Variants in CD2AP observed in about 807,000 individuals in gnomAD.
CD2AP encodes CD2 associated protein.
CD2AP carries 46 observed loss-of-function variants against 85.1 expected under a neutral mutation model. The ratio of observed to expected loss-of-function variants is 0.54; its 90% confidence interval spans 0.43 to 0.69. CD2AP has a LOEUF of 0.69. Among genes scored for constraint, CD2AP ranks in the 30% least tolerant of loss-of-function variants. CD2AP has a pLI of 0.00. For synonymous variants in CD2AP, 255 were observed against 252.9 expected, an observed-to-expected ratio of 1.01 and a Z score of -0.08; for missense variants, 769 against 729.5, an observed-to-expected ratio of 1.05 and a Z score of -0.62.
intron 1 of CD2AP, among the ~76,000 whole-genome samples, chr6:47,484,201 TAAAC>T (rs1454309640): frequency 6.6e-6 from 1 of 152,192 alleles, no homozygotes; most frequent in Admixed American, 6.5e-5. Context: ...TTATGTCTCT[TAAAC>T]AGATAAAATT....
chr6:47,526,119 C>G (rs1401088830), intron 2 of CD2AP, among the ~76,000 whole-genome samples: 1 of 152,140 alleles, frequency 6.6e-6, no homozygotes, highest in Non-Finnish European at 1.5e-5. Context: ...GGAAGCCTTA[C>G]TAATACCTTA....
Position 47,544,621 on chromosome 6 carries a change from A to G in CD2AP, c.335A>G (p.Gln112Arg). The G allele has an allele frequency of 6.2e-7, 1 of 1,606,626 alleles. No individual in the cohort carries two copies. Among genetic ancestry groups the G allele is most frequent in the Non-Finnish European group, 8.5e-7 (1 of 1,173,466 alleles). The stretch of plus-strand genomic sequence containing the variant: ...CTTTCTTTAGAGACCAAGAAGCGTC[A>G]GTGTAAAGTTCTTTTTGAGTACATT... ...KNIKKKTKKR[Q>R]CKVLFEYIPQ... is the part of the protein sequence containing the mutation. Residue 112 changes from glutamine (Q) to arginine (R), a missense_variant, in exon 4 of 18, where the codon CAG becomes CGG. Physicochemically the swap from Gln to Arg is conservative, Grantham distance 43. Coordinates refer to ENST00000359314, the MANE Select transcript of CD2AP (RefSeq NM_012120.3).
intron 4 of CD2AP, among the ~76,000 whole-genome samples, chr6:47,547,866 A>G (rs949565296): frequency 1.3e-5 from 2 of 152,104 alleles, no homozygotes; most frequent in African/African-American, 4.8e-5. Flanking sequence ...ATCAACTCCA[A>G]AAGGAGCCTT....
Position 47,579,393 on chromosome 6 carries a change from A to G in CD2AP, c.912A>G (p.Gly304=). The change falls in exon 9 of 18, where the codon GGA becomes GGG. Residue 304 remains glycine, a synonymous_variant. Transcript: ENST00000359314. ...TCTATTTTGCTTTTTAGGAGACTGGAGAAGCTGGCTGGTGGAGGGGCGAAC... is the reference window on the plus strand; with the variant it reads ...TCTATTTTGCTTTTTAGGAGACTGGGGAAGCTGGCTGGTGGAGGGGCGAAC... The part of the protein sequence containing the change: ...EIIHLISKET[G]EAGWWRGELN... 6.3e-7 allele frequency: 1 copy of G among 1,596,138 alleles called. No homozygotes were observed. Among genetic ancestry groups the G allele is most frequent in the African/African-American group, 1.3e-5 (1 of 74,694 alleles).
At chr6:47,609,416 C>G in intron 16 of CD2AP, 112 bp downstream of exon 16, 1 of 856,834 alleles carries the variant, frequency 1.2e-6, no homozygotes, top group Admixed American at 1.9e-5. Flanking sequence ...GTAGTTCGCG[C>G]CTGTAATCCC....
intron 13 of CD2AP, 71 bp downstream of exon 13, chr6:47,599,514 T>C (rs2114136867): frequency 7.4e-7 from 1 of 1,346,424 alleles, no homozygotes; most frequent in East Asian, 2.5e-5. Context: ...AAGAGATATA[T>C]TTATGCAATT....
In CD2AP at chr6:47,580,883, C is replaced by T; in HGVS notation, c.1028C>T (p.Pro343Leu). 1 of 1,608,688 alleles carries T rather than the reference C, an allele frequency of 6.2e-7. No homozygotes were observed. The highest frequency in any genetic ancestry group is 8.5e-7 in the Non-Finnish European group (1 of 1,175,304). ...TAACAGAAACCAAAGAAACCACCACCTCCTGCTAAGGCTCCAGGTATGTAA... is the reference window on the plus strand; with the variant it reads ...TAACAGAAACCAAAGAAACCACCACTTCCTGCTAAGGCTCCAGGTATGTAA... ...KDFPKPKKPP[P>L]PAKAPAPKPE... Residue 343 changes from proline to leucine, a missense_variant, in exon 10 of 18, where the codon CCT (proline) becomes CTT (leucine). Transcript: ENST00000359314.
At chr6:47,553,084 A>G (rs1212846497) in intron 4 of CD2AP, among the ~76,000 whole-genome samples, 1 of 151,576 alleles carries the variant, frequency 6.6e-6, no homozygotes, top group Non-Finnish European at 1.5e-5. Flanking sequence ...TATTGTAGCC[A>G]TCTGCTTATT....
chr6:47,588,273 G>A (rs568562708), intron 11 of CD2AP, among the ~76,000 whole-genome samples: 1 of 151,946 alleles, frequency 6.6e-6, no homozygotes, highest in Non-Finnish European at 1.5e-5. Context: ...TGTTTGTTTT[G>A]GGATATTCTT....
rs138585531 is a variant in CD2AP at position 47,484,069 on chromosome 6, A to C, written c.4+5821A>C. On this transcript the variant is annotated intron_variant, in intron 1 of 17. Transcript: ENST00000359314. ...AGACCTTTTTTGTTGTTGCTTTTTA[A>C]ATTTTTTTTTGGTAATGTGTACCTG... is the stretch of plus-strand genomic sequence containing the variant. Among the ~76,000 whole-genome samples the C allele has an allele frequency of 9.2e-5, 14 of 152,034 alleles. No individual in the cohort carries two copies. The East Asian group carries it at 2.7e-3, about 29-fold the overall frequency.
At position 47,505,504 on chromosome 6, in the gene CD2AP, C is replaced by T. The variant is rs559778237; in HGVS notation, c.165+2064C>T. Among the ~76,000 whole-genome samples the T allele has an allele frequency of 6.4e-3, 959 of 150,666 alleles. 3 individuals are homozygous for T. Among genetic ancestry groups the T allele is most frequent in the Non-Finnish European group, 0.011 (740 of 67,594 alleles). ...TTCCCGCCCTTCTATTCCACAAAGCCGCCATTGTCATCCTGGCCCGTTCTC... is the reference window on the plus strand; with the variant it reads ...TTCCCGCCCTTCTATTCCACAAAGCTGCCATTGTCATCCTGGCCCGTTCTC... On this transcript the variant is annotated intron_variant, in intron 2 of 17. Transcript: ENST00000359314.
chr6:47,511,205 G>T (rs1485312441), intron 2 of CD2AP, among the ~76,000 whole-genome samples: 1 of 151,536 alleles, frequency 6.6e-6, no homozygotes. Flanking sequence ...CCAGTGATAG[G>T]TTATGTTGAT....
intron 14 of CD2AP, among the ~76,000 whole-genome samples, 159 bp downstream of exon 14, chr6:47,606,436 G>A (rs1769274795): frequency 6.6e-6 from 1 of 151,972 alleles, no homozygotes; most frequent in South Asian, 2.1e-4. Context: ...GAGGGAGAGA[G>A]GTGTGTTCAT....
intron 1 of CD2AP, among the ~76,000 whole-genome samples, chr6:47,492,547 T>C (rs1163786056): frequency 2.0e-5 from 3 of 152,062 alleles, no homozygotes; most frequent in African/African-American, 7.2e-5. Flanking sequence ...CATCTTGCTA[T>C]GTTGCCCAGG....
At position 47,577,119 on chromosome 6, in the gene CD2AP, T is replaced by G; in HGVS notation, c.903+16T>G. 1.6e-6 allele frequency: 2 copies of G among 1,268,912 alleles called. No individual in the cohort carries two copies. The highest frequency in any genetic ancestry group is 2.3e-6 in the Non-Finnish European group (2 of 865,880). The allele number at this position is 1,268,912 out of a possible 1,614,324, so 78.6% of individuals were successfully genotyped here. On this transcript the variant is annotated intron_variant, in intron 8 of 17. Coordinates refer to ENST00000359314, the MANE Select transcript of CD2AP (RefSeq NM_012120.3). ...GATAAGTAAGGTAAGGTGTTTCTGTTTTTCAGTGAATTGCTTAATTTATTT... is the reference window on the plus strand; with the variant it reads ...GATAAGTAAGGTAAGGTGTTTCTGTGTTTCAGTGAATTGCTTAATTTATTT...
At chr6:47,521,378 C>T (rs1766589134) in intron 2 of CD2AP, among the ~76,000 whole-genome samples, 1 of 151,922 alleles carries the variant, frequency 6.6e-6, no homozygotes, top group African/African-American at 2.4e-5. Context: ...ATGGTGAAAC[C>T]CCGTCTCTAC....
At chr6:47,527,638 T>C (rs1193825789) in intron 2 of CD2AP, among the ~76,000 whole-genome samples, 1 of 152,206 alleles carries the variant, frequency 6.6e-6, no homozygotes, top group Non-Finnish European at 1.5e-5. Context: ...AAAGATAGCA[T>C]CTGGTATGTG....
chr6:47,539,247 T>A (rs1307252918), intron 3 of CD2AP, among the ~76,000 whole-genome samples: 2 of 152,350 alleles, frequency 1.3e-5, no homozygotes, highest in Non-Finnish European at 1.5e-5. Flanking sequence ...TGTTTTATAC[T>A]GTAAACTCAG....
chr6:47,505,709 G>T, intron 2 of CD2AP, among the ~76,000 whole-genome samples: 1 of 73,902 alleles, frequency 1.4e-5, no homozygotes, highest in African/African-American at 4.5e-5. Context: ...CGGGGTGGCT[G>T]GCCGGGCTGA....
Sources: gnomAD v4.1 joint callset for allele counts (sites outside exome capture counted in the v4.1 genomes callset) on GRCh38, gnomAD v4.1.1 for gene constraint, MANE v1.5 for transcripts, NCBI Gene and HGNC (gene_info 2026-07-23, HGNC 2026-07-21) for gene names.